The following CCDC85C variants were observed in gnomAD, a reference collection of about 807,000 sequenced individuals.
The protein encoded by CCDC85C is coiled-coil domain containing 85C.
Under a neutral mutation model 38.3 loss-of-function variants are expected in CCDC85C, and 18 were observed. The ratio of observed to expected loss-of-function variants is 0.47; its 90% CI spans 0.33 to 0.70. The LOEUF (loss-of-function observed/expected upper bound fraction) is 0.70. Ranked by LOEUF, CCDC85C falls within the 30% of genes least tolerant of loss-of-function variation. The pLI is 0.03. For synonymous variants in CCDC85C, 264 were observed against 293.8 expected, an observed-to-expected ratio of 0.90 and a Z score of 1.04; for missense variants, 566 against 621.2, an observed-to-expected ratio of 0.91 and a Z score of 0.94.
chr14:99,581,233 C>G (rs2054965127), intron 1 of CCDC85C, among the ~76,000 whole-genome samples: 1 of 152,236 alleles, frequency 6.6e-6, no homozygotes, highest in Non-Finnish European at 1.5e-5. Context: ...AACCACTGGG[C>G]TCTCCAGGGC....
At chr14:99,537,537 T>C (rs1595349711) in intron 1 of CCDC85C, among the ~76,000 whole-genome samples, 1 of 152,068 alleles carries the variant, frequency 6.6e-6, no homozygotes. Flanking sequence ...CAGGAGCAGG[T>C]ACTGGAGCCC....
chr14:99,560,649 G>T (rs1170338116), intron 1 of CCDC85C, among the ~76,000 whole-genome samples: 1 of 152,254 alleles, frequency 6.6e-6, no homozygotes, highest in African/African-American at 2.4e-5. Context: ...TGCAGAGTGG[G>T]CTGTGCTCGC....
chr14:99,575,373 G>A (rs1200760897), intron 1 of CCDC85C, among the ~76,000 whole-genome samples: 1 of 152,152 alleles, frequency 6.6e-6, no homozygotes. Context: ...CTACCATCCA[G>A]AGCTCAGCTG....
Position 99,588,062 on chromosome 14 carries a change from A to C in CCDC85C, c.793+15105T>G, listed in dbSNP as rs1196033380. ...CACTTGAATCCCCTTCCACACCCCC[A>C]GGCCTGCACAGGCCTCCTGGGCCGG... On this transcript the variant is annotated intron_variant, in intron 1 of 5. Transcript: ENST00000380243. This position sits in a 1 kb window ranked among gnomAD's most constrained non-coding sequence, Gnocchi z 5.0. Among the ~76,000 whole-genome samples the C allele has an allele frequency of 1.3e-5, 2 of 151,930 alleles. No individual in the cohort carries two copies. The highest frequency in any genetic ancestry group is 2.4e-5 in the African/African-American group (1 of 41,368).
intron 1 of CCDC85C, among the ~76,000 whole-genome samples, chr14:99,539,314 T>C (rs529316901): frequency 6.6e-6 from 1 of 151,634 alleles, no homozygotes; most frequent in South Asian, 2.1e-4. Context: ...CTACTAAAAA[T>C]ATAAAATTAG....
intron 1 of CCDC85C, among the ~76,000 whole-genome samples, chr14:99,568,911 C>A (rs1030565557): frequency 1.3e-5 from 2 of 152,178 alleles, no homozygotes; most frequent in Admixed American, 6.5e-5. Flanking sequence ...CAGACTTCTG[C>A]AGGGTCCTTG....
At chr14:99,527,037 C>A (rs1312927986) in intron 2 of CCDC85C, among the ~76,000 whole-genome samples, 1 of 152,168 alleles carries the variant, frequency 6.6e-6, no homozygotes, top group Non-Finnish European at 1.5e-5. Context: ...CAGGACAGGG[C>A]AGGGGTCAGG....
At chr14:99,525,766 G>T (rs951020747) in intron 2 of CCDC85C, among the ~76,000 whole-genome samples, 2 of 152,220 alleles carry the variant, frequency 1.3e-5, no homozygotes, top group Non-Finnish European at 2.9e-5. Flanking sequence ...CACCAGACTC[G>T]AAGCCCCAGG....
intron 1 of CCDC85C, among the ~76,000 whole-genome samples, chr14:99,575,599 C>T (rs1359036889): frequency 6.6e-6 from 1 of 152,238 alleles, no homozygotes; most frequent in East Asian, 1.9e-4. Flanking sequence ...GGGTGGCAGC[C>T]CTGTATGTCC....
chr14:99,502,466 C>A lies in CCDC85C; in HGVS notation c.*12780G>T. 6.7e-7 allele frequency: 1 copy of A among 1,502,758 alleles called. No homozygotes were observed. Among genetic ancestry groups the A allele is most frequent in the Middle Eastern group, 1.9e-4 (1 of 5,244 alleles). 93.1% of individuals were successfully genotyped at this position (1,502,758 alleles called of 1,614,324 possible). A position where few individuals can be genotyped will look rare whatever the true frequency, so the allele number is the denominator to read the frequency against. On this transcript the variant is annotated 3_prime_UTR_variant, in exon 6 of 6. Transcript: ENST00000380243. ...CCTGAGTCCCAAGAATGGATTTTCC[C>A]AGATAGACATATGTGAGCAATATTT...
Position 99,501,336 on chromosome 14 carries a change from C to T in CCDC85C, c.*13910G>A, listed in dbSNP as rs778240539. ...AATTTTTCTATTGCTATTAATTTACCTTTTTGTCCCCATTTCTAGGTGATA... is the reference window on the plus strand; with the variant it reads ...AATTTTTCTATTGCTATTAATTTACTTTTTTGTCCCCATTTCTAGGTGATA... On this transcript the variant is annotated 3_prime_UTR_variant, in exon 6 of 6. Transcript: ENST00000380243. The T allele has an allele frequency of 1.9e-6, 3 of 1,554,648 alleles. No homozygotes were observed. In the East Asian group the frequency reaches 6.7e-5, roughly 35 times the overall value.
chr14:99,549,708 C>T (rs4407000), intron 1 of CCDC85C, among the ~76,000 whole-genome samples: 46,748 of 152,058 alleles, frequency 0.31, 7,646 homozygotes, highest in East Asian at 0.54. Flanking sequence ...AGTTTGAGGA[C>T]AGCAAATTGG....
intron 1 of CCDC85C, among the ~76,000 whole-genome samples, chr14:99,560,077 C>T (rs1898088426): frequency 6.6e-6 from 1 of 152,106 alleles, no homozygotes. Context: ...TCTTTCCCTC[C>T]TTGTAGGAAC....
In CCDC85C at chr14:99,569,532, C is replaced by T. The variant is rs931662850; in HGVS notation, c.794-33444G>A. 6.6e-6 allele frequency among the ~76,000 whole-genome samples: 1 copy of T among 152,194 alleles called. No individual in the cohort carries two copies. The highest frequency in any genetic ancestry group is 2.4e-5 in the African/African-American group (1 of 41,440). On this transcript the variant is annotated intron_variant, in intron 1 of 5. Transcript: ENST00000380243. The surrounding 1 kb of genome is among the most constrained non-coding windows in gnomAD (Gnocchi z 4.3). The stretch of plus-strand genomic sequence containing the variant: ...CCCACAGCCACAAAAACCAATGCCA[C>T]CTACCCAGGAAGGCTTTGAACAGAC...
intron 1 of CCDC85C, among the ~76,000 whole-genome samples, chr14:99,583,837 A>C (rs1040547017): frequency 6.6e-6 from 1 of 151,516 alleles, no homozygotes; most frequent in Non-Finnish European, 1.5e-5. Context: ...AGCACATATA[A>C]CTAACATACA....
At chr14:99,515,394 G>A in intron 5 of CCDC85C, 59 bp from the exon 6 acceptor site, 1 of 1,279,468 alleles carries the variant, frequency 7.8e-7, no homozygotes, top group Non-Finnish European at 1.1e-6. Flanking sequence ...TGCCGCCTAT[G>A]CACATCCGCC....
In CCDC85C at chr14:99,569,194, C is replaced by A. The variant is rs1050800303; in HGVS notation, c.794-33106G>T. Among the ~76,000 whole-genome samples, 26 of 152,210 alleles carry A rather than the reference C, an allele frequency of 1.7e-4. No homozygotes were observed. The highest frequency in any genetic ancestry group is 3.4e-4 in the Non-Finnish European group (23 of 68,034). Reference sequence around the variant, plus strand: ...ATAAAGCAGTAAGGCCCACGTCGACCCATCTTCGTGAAGGAAGACCTAAAT... The same window carrying A: ...ATAAAGCAGTAAGGCCCACGTCGACACATCTTCGTGAAGGAAGACCTAAAT... On this transcript the variant is annotated intron_variant, in intron 1 of 5. Coordinates refer to ENST00000380243, the MANE Select transcript of CCDC85C (RefSeq NM_001144995.2). The surrounding 1 kb of genome is among the most constrained non-coding windows in gnomAD (Gnocchi z 4.3).
In CCDC85C at chr14:99,507,031, T is replaced by C. The variant is rs1015524527; in HGVS notation, c.*8215A>G. 9.0e-7 allele frequency: 1 copy of C among 1,105,398 alleles called. No individual in the cohort carries two copies. Among genetic ancestry groups the C allele is most frequent in the African/African-American group, 1.5e-5 (1 of 65,120 alleles). The allele number at this position is 1,105,398 out of a possible 1,614,324, so 68.5% of individuals were successfully genotyped here. ...TTTTTCTTTATGACATGCTTATTCA[T>C]GTGAAGAAGTATGAGTGGTTTTCTA... On this transcript the variant is annotated 3_prime_UTR_variant, in exon 6 of 6. Coordinates refer to ENST00000380243, the MANE Select transcript of CCDC85C (RefSeq NM_001144995.2).
intron 1 of CCDC85C, among the ~76,000 whole-genome samples, chr14:99,567,087 C>T (rs1486898500): frequency 1.3e-5 from 2 of 152,168 alleles, no homozygotes; most frequent in Non-Finnish European, 2.9e-5. Flanking sequence ...CCCTCCAACG[C>T]GGCCCATCTC....
Sources: gnomAD v4.1 joint callset for allele counts (sites outside exome capture counted in the v4.1 genomes callset) on GRCh38, gnomAD v4.1.1 for gene constraint, Gnocchi (gnomAD v3.1) non-coding constraint, MANE v1.5 for transcripts, NCBI Gene and HGNC (gene_info 2026-07-23, HGNC 2026-07-21) for gene names.